Variants in TNKS observed in about 807,000 individuals in gnomAD.
The protein encoded by TNKS is tankyrase.
In TNKS, 72 loss-of-function variants were observed where a neutral mutation model predicts 135.8. That is an observed-to-expected ratio of 0.53 (90% CI 0.44 to 0.64). The LOEUF (loss-of-function observed/expected upper bound fraction) is 0.64, where lower values mean the gene tolerates loss of function less well. Among genes scored for constraint, TNKS ranks in the 30% least tolerant of loss-of-function variants. The probability of loss-of-function intolerance (pLI) is 0.00; values close to 1 mark genes in which losing one functional copy is unlikely to be tolerated. For missense variants in TNKS, 1,769 were observed against 1,674.0 expected, an observed-to-expected ratio of 1.06 and a Z score of -0.99; for synonymous variants, 849 against 649.3, an observed-to-expected ratio of 1.31 and a Z score of -4.68.
chr8:9,748,967 G>C (rs1806382096), intron 18 of TNKS, among the ~76,000 whole-genome samples: 1 of 152,152 alleles, frequency 6.6e-6, no homozygotes, highest in South Asian at 2.1e-4. Flanking sequence ...GGCCTCTCTA[G>C]TCCCATGTGG....
At chr8:9,715,947 A>T (rs1331795226) in intron 11 of TNKS, among the ~76,000 whole-genome samples, 1 of 152,130 alleles carries the variant, frequency 6.6e-6, no homozygotes, top group African/African-American at 2.4e-5. Context: ...TCAGTAATGA[A>T]TTGTCTGCTC....
chr8:9,656,172 G>C (rs78706140), intron 3 of TNKS, among the ~76,000 whole-genome samples: 269 of 152,274 alleles, frequency 1.8e-3, no homozygotes, highest in African/African-American at 5.9e-3. Flanking sequence ...ATGAAATGAA[G>C]CGAGAAGAGA....
intron 7 of TNKS, among the ~76,000 whole-genome samples, chr8:9,706,607 C>T (rs897058256): frequency 2.0e-5 from 3 of 152,204 alleles, no homozygotes; most frequent in East Asian, 1.9e-4. Flanking sequence ...GAATAAAATA[C>T]GTTTTTAAAC....
chr8:9,750,520 T>A (rs932055448), intron 18 of TNKS, among the ~76,000 whole-genome samples: 4 of 152,190 alleles, frequency 2.6e-5, no homozygotes, highest in Non-Finnish European at 4.4e-5. Flanking sequence ...GTGGCAGCGT[T>A]GCCAAACTTT....
chr8:9,689,550 A>G (rs1000816734), intron 5 of TNKS, among the ~76,000 whole-genome samples: 6 of 152,324 alleles, frequency 3.9e-5, no homozygotes, highest in Non-Finnish European at 7.4e-5. Context: ...TTTGAATATT[A>G]TAAAAATGCT....
rs754746323 is a variant in TNKS, at chr8:9,556,063, G to A, written c.124G>A (p.Gly42Arg). 1.2e-5 allele frequency: 20 copies of A among 1,608,386 alleles called. No homozygotes were observed. The South Asian group carries it at 2.0e-4, about 16-fold the overall frequency. Reference protein sequence around the residue: ...PPPLSPGLAPGTTPASPTASG... With the variant: ...PPPLSPGLAPRTTPASPTASG... ...CCCACTCAGCCCTGGCCTGGCCCCG[G>A]GGACCACCCCAGCCTCTCCCACGGC... The change falls in exon 1 of 27, where the codon GGG becomes AGG. Residue 42 changes from glycine (G) to arginine (R), a missense_variant. By Grantham distance (125) the Gly-to-Arg change is moderately radical. Around this residue, in one of 5 missense-constraint regions of TNKS, gnomAD observed 450 missense variants for 304.9 expected, o/e 1.48. Coordinates refer to ENST00000310430, the MANE Select transcript of TNKS (RefSeq NM_003747.3).
At chr8:9,699,501 G>C (rs1365966204) in intron 5 of TNKS, among the ~76,000 whole-genome samples, 1 of 151,980 alleles carries the variant, frequency 6.6e-6, no homozygotes, top group Non-Finnish European at 1.5e-5. Flanking sequence ...TTTGCAGTCT[G>C]CCATTTTCTC....
At chr8:9,661,315 G>A (rs902117751) in intron 3 of TNKS, among the ~76,000 whole-genome samples, 10 of 152,162 alleles carry the variant, frequency 6.6e-5, no homozygotes, top group African/African-American at 1.4e-4. Context: ...GAGGCATCAT[G>A]TTACCTGACT....
At position 9,615,577 on chromosome 8, in the gene TNKS, C is replaced by T. The variant is rs187832528; in HGVS notation, c.899-5C>T. ...TAAGATACTGTTTCTGCTTTCCCTG[C>T]ACAGTGCTGCTGCAGCACGGAGCTG... On this transcript the variant is annotated splice_polypyrimidine_tract_variant and splice_region_variant and intron_variant, in intron 2 of 26. Transcript: ENST00000310430. 8.1e-6 allele frequency: 13 copies of T among 1,612,012 alleles called. No individual in the cohort carries two copies. Among genetic ancestry groups the T allele is most frequent in the Non-Finnish European group, 1.0e-5 (12 of 1,178,952 alleles).
At chr8:9,614,269 A>T (rs1403332017) in intron 2 of TNKS, among the ~76,000 whole-genome samples, 1 of 152,250 alleles carries the variant, frequency 6.6e-6, no homozygotes. Flanking sequence ...GTTTATAAAC[A>T]TCTGGAAAAC....
intron 5 of TNKS, among the ~76,000 whole-genome samples, chr8:9,698,419 A>G (rs1803631691): frequency 6.6e-6 from 1 of 151,458 alleles, no homozygotes; most frequent in Non-Finnish European, 1.5e-5. Context: ...ACTTAATAAG[A>G]TGATGATAAA....
At chr8:9,762,909 A>C (rs1807222751) in intron 21 of TNKS, among the ~76,000 whole-genome samples, 1 of 151,514 alleles carries the variant, frequency 6.6e-6, no homozygotes, top group Non-Finnish European at 1.5e-5. Context: ...CGTCTCAAAA[A>C]AAAAAAAAAA....
chr8:9,780,010 A>G lies in TNKS; in HGVS notation c.*3274A>G, dbSNP rs1808392827. 2.0e-5 allele frequency: 3 copies of G among 152,378 alleles called. No homozygotes were observed. The highest frequency in any genetic ancestry group is 2.1e-4 in the South Asian group (1 of 4,828). The allele number at this position is 152,378 out of a possible 1,614,324, so 9.4% of individuals were successfully genotyped here. A position where few individuals can be genotyped will look rare whatever the true frequency, so the allele number is the denominator to read the frequency against. ...CTCAAAATACAAAGTGCATTGAAGT[A>G]TACAGAGAAATGCCTGAATATGGCA... On this transcript the variant is annotated 3_prime_UTR_variant, in exon 27 of 27. Coordinates refer to ENST00000310430, the MANE Select transcript of TNKS (RefSeq NM_003747.3).
chr8:9,679,784 G>T, intron 3 of TNKS, 167 bp from the exon 4 acceptor site: 1 of 550,180 alleles, frequency 1.8e-6, no homozygotes, highest in Non-Finnish European at 3.3e-6. Flanking sequence ...CCAAGGCACT[G>T]GTGATGCTGC....
At chr8:9,608,196 C>T (rs1231208710) in intron 2 of TNKS, among the ~76,000 whole-genome samples, 2 of 152,200 alleles carry the variant, frequency 1.3e-5, no homozygotes, top group South Asian at 4.1e-4. Context: ...CCACCTCAGC[C>T]TCCCAAAGTG....
At chr8:9,742,264 T>C (rs1429382697) in intron 17 of TNKS, among the ~76,000 whole-genome samples, 1 of 152,160 alleles carries the variant, frequency 6.6e-6, no homozygotes, top group African/African-American at 2.4e-5. Flanking sequence ...TGATGACTGT[T>C]ACTTTTTTTT....
In TNKS at chr8:9,556,518, G is replaced by C. The variant is rs371825172; in HGVS notation, c.579G>C (p.Gly193=). 1.2e-6 allele frequency: 2 copies of C among 1,614,054 alleles called. No homozygotes were observed. Among genetic ancestry groups the C allele is most frequent in the Non-Finnish European group, 1.7e-6 (2 of 1,180,050 alleles). Residue 193 remains glycine, a synonymous_variant, in exon 1 of 27, where the codon GGG becomes GGC. Transcript: ENST00000310430. ...LRELLEACRN[G]DVSRVKRLVD... is the part of the protein sequence containing the mutation. ...AACTGCTGGAGGCCTGTCGCAATGG[G>C]GACGTGTCCCGGGTAAAGAGGCTGG... is the stretch of plus-strand genomic sequence containing the variant.
At chr8:9,710,431 C>T (rs77341338) in intron 11 of TNKS, 44,729 of 592,668 alleles carry the variant, frequency 0.075, 2,103 homozygotes, top group South Asian at 0.17. Flanking sequence ...TTTAATGTCA[C>T]CCTTCTGTAA....
intron 20 of TNKS, among the ~76,000 whole-genome samples, chr8:9,759,628 G>C (rs758686942): frequency 1.3e-5 from 2 of 152,074 alleles, no homozygotes; most frequent in Non-Finnish European, 2.9e-5. Flanking sequence ...ATTGTGTTTT[G>C]CTGGCCTGGT....
Sources: allele counts gnomAD v4.1 joint callset (sites outside exome capture counted in the v4.1 genomes callset), GRCh38; gene constraint gnomAD v4.1.1; regional missense constraint gnomAD v4.1.1; transcripts MANE v1.5; gene names NCBI Gene and HGNC (gene_info 2026-07-23, HGNC 2026-07-21).